PRLR: variants seen among roughly 807,000 people sequenced by gnomAD.
PRLR encodes prolactin receptor.
PRLR carries 13 observed loss-of-function variants against 40.2 expected under a neutral mutation model. The ratio of observed to expected loss-of-function variants is 0.32; its 90% CI spans 0.21 to 0.51. The LOEUF (loss-of-function observed/expected upper bound fraction) is 0.51, where lower values mean the gene tolerates loss of function less well. Ranked by LOEUF, PRLR falls within the 20% of genes least tolerant of loss-of-function variation. PRLR has a pLI of 0.97. For missense variants in PRLR, 656 were observed against 747.3 expected (o/e 0.88, Z 1.42); for synonymous variants, 269 against 278.7 (o/e 0.97, Z 0.35).
chr5:35,107,293 A>G (rs1772324904), intron 2 of PRLR, among the ~76,000 whole-genome samples: 1 of 152,222 alleles, frequency 6.6e-6, no homozygotes, highest in Admixed American at 6.5e-5. Flanking sequence ...TAAAATCGAC[A>G]CCCTAACATC....
intron 1 of PRLR, among the ~76,000 whole-genome samples, chr5:35,211,865 T>C (rs1415018960): frequency 6.6e-6 from 1 of 152,232 alleles, no homozygotes; most frequent in East Asian, 1.9e-4. Flanking sequence ...GATTTGAGGA[T>C]AAATTAATTT....
intron 2 of PRLR, among the ~76,000 whole-genome samples, chr5:35,110,293 A>G (rs1772576665): frequency 6.6e-6 from 1 of 152,114 alleles, no homozygotes; most frequent in Non-Finnish European, 1.5e-5. Flanking sequence ...CAGCACACCA[A>G]CATGGCACAT....
At chr5:35,165,728 A>G (rs1774804197) in intron 1 of PRLR, among the ~76,000 whole-genome samples, 1 of 152,208 alleles carries the variant, frequency 6.6e-6, no homozygotes, top group Non-Finnish European at 1.5e-5. Context: ...TATGTGAAGT[A>G]TTTACTGAAA....
intron 1 of PRLR, among the ~76,000 whole-genome samples, chr5:35,186,077 C>A (rs968101237): frequency 6.6e-6 from 1 of 151,992 alleles, no homozygotes; most frequent in Middle Eastern, 3.2e-3. Flanking sequence ...CCACATAGAC[C>A]CTCGCCTATT....
chr5:35,106,272 A>T (rs1772242243), intron 2 of PRLR, among the ~76,000 whole-genome samples: 1 of 152,236 alleles, frequency 6.6e-6, no homozygotes, highest in South Asian at 2.1e-4. Flanking sequence ...CTGCAAAAAC[A>T]TGCCAAATTG....
rs1769304612 is a variant in PRLR, at chr5:35,065,506, A to C, written c.1452T>G (p.Ser484=). 3.7e-6 allele frequency: 6 copies of C among 1,614,060 alleles called. No homozygotes were observed. Among genetic ancestry groups the C allele is most frequent in the Non-Finnish European group, 5.1e-6 (6 of 1,180,052 alleles). ...TQQREVESFH[S]ETDQDTPWLL... ...GCCAGGGCGTATCCTGGTCAGTCTC[A>C]GAATGGAAGCTTTCTACCTCCCTCT... The change falls in exon 10 of 10, where the codon TCT becomes TCG. Residue 484 remains serine, a synonymous_variant. Transcript: ENST00000618457.
chr5:35,088,301 T>C (rs549717480), intron 3 of PRLR, among the ~76,000 whole-genome samples: 2 of 152,216 alleles, frequency 1.3e-5, no homozygotes, highest in East Asian at 3.9e-4. Flanking sequence ...TTATTCAGGA[T>C]AATGTGTTGC....
At chr5:35,228,975 G>C (rs6867456) in intron 1 of PRLR, among the ~76,000 whole-genome samples, 113,133 of 151,792 alleles carry the variant, frequency 0.75, 42,490 homozygotes, top group Middle Eastern at 0.82. Context: ...TATGCATTTT[G>C]CCCCAGGAAG....
Position 35,060,479 on chromosome 5 carries a change from C to T in PRLR, c.*4610G>A, listed in dbSNP as rs888297568. The T allele has an allele frequency of 1.3e-5, 2 of 152,210 alleles. No homozygotes were observed. Among genetic ancestry groups the T allele is most frequent in the African/African-American group, 4.8e-5 (2 of 41,442 alleles). The allele number at this position is 152,210 out of a possible 1,614,324, so 9.4% of individuals were successfully genotyped here. ...GCTTTCTTGCACTGCACCAGGGACA[C>T]TGACCTGAAACCCTGGATTTTACCT... is the stretch of plus-strand genomic sequence containing the variant. On this transcript the variant is annotated 3_prime_UTR_variant, in exon 10 of 10. Coordinates refer to ENST00000618457, the MANE Select transcript of PRLR (RefSeq NM_000949.7).
At chr5:35,148,569 T>C (rs1011790130) in intron 1 of PRLR, among the ~76,000 whole-genome samples, 4 of 152,168 alleles carry the variant, frequency 2.6e-5, no homozygotes, top group Non-Finnish European at 5.9e-5. Context: ...ACTTTCATTT[T>C]AGAAGGTTTA....
chr5:35,057,052 T>A lies in PRLR; in HGVS notation c.*8037A>T, dbSNP rs1023463893. On this transcript the variant is annotated 3_prime_UTR_variant, in exon 10 of 10. Coordinates refer to ENST00000618457, the MANE Select transcript of PRLR (RefSeq NM_000949.7). ...GTCAGAAAAGATGTTGTTAATAATA[T>A]GGATAAATAATAACTGTTCAAAAGG... The A allele has an allele frequency of 6.6e-6, 1 of 152,206 alleles. No individual in the cohort carries two copies. Among genetic ancestry groups the A allele is most frequent in the Admixed American group, 6.5e-5 (1 of 15,276 alleles). The allele number at this position is 152,206 out of a possible 1,614,324, so 9.4% of individuals were successfully genotyped here.
intron 2 of PRLR, among the ~76,000 whole-genome samples, chr5:35,109,199 C>T (rs1459000322): frequency 6.6e-6 from 1 of 152,148 alleles, no homozygotes; most frequent in Non-Finnish European, 1.5e-5. Context: ...TTCCTTACAC[C>T]TTACACAAAA....
chr5:35,049,323 C>T (rs950242416), exon 9 of PRLR: 9 of 703,062 alleles, frequency 1.3e-5, no homozygotes, highest in Non-Finnish European at 2.1e-5. Context: ...TTGTGAACAC[C>T]GCAAGTCTTC....
chr5:35,208,971 T>C (rs1266764542), intron 1 of PRLR, among the ~76,000 whole-genome samples: 1 of 152,150 alleles, frequency 6.6e-6, no homozygotes, highest in Non-Finnish European at 1.5e-5. Flanking sequence ...TGACGGAATG[T>C]TATACAAGCT....
chr5:35,081,808 CACA>C (rs1770540891), intron 5 of PRLR: 1 of 154,202 alleles, frequency 6.5e-6, no homozygotes, highest in African/African-American at 2.4e-5. Flanking sequence ...CACACACACA[CACA>C]CACCCCTCCT....
intron 1 of PRLR, among the ~76,000 whole-genome samples, chr5:35,196,104 T>G (rs1775729054): frequency 6.8e-6 from 1 of 148,096 alleles, no homozygotes; most frequent in Non-Finnish European, 1.5e-5. Flanking sequence ...TAAAATAAAA[T>G]AAAATAAAGA....
intron 1 of PRLR, among the ~76,000 whole-genome samples, chr5:35,132,998 G>A (rs927527713): frequency 6.6e-6 from 1 of 152,078 alleles, no homozygotes; most frequent in Admixed American, 6.6e-5. Flanking sequence ...ATCTACTGTG[G>A]GCCTGAATAG....
At chr5:35,226,348 A>T (rs544089693) in intron 1 of PRLR, among the ~76,000 whole-genome samples, 7 of 152,346 alleles carry the variant, frequency 4.6e-5, no homozygotes, top group Admixed American at 4.6e-4. Flanking sequence ...GACTAGCTCC[A>T]TAACCTTGGA....
intron 2 of PRLR, among the ~76,000 whole-genome samples, chr5:35,109,804 C>T (rs1198282331): frequency 4.6e-5 from 7 of 152,218 alleles, no homozygotes; most frequent in Non-Finnish European, 5.9e-5. Flanking sequence ...TGGAAGACAG[C>T]GTGGCGATTC....
Sources: allele counts gnomAD v4.1 joint callset (sites outside exome capture counted in the v4.1 genomes callset), GRCh38; gene constraint gnomAD v4.1.1; transcripts MANE v1.5; gene names NCBI Gene and HGNC (gene_info 2026-07-23, HGNC 2026-07-21).